The following WDR83 variants were observed in gnomAD, a reference collection of about 807,000 sequenced individuals.
The protein encoded by WDR83 is WD repeat domain-containing protein 83.
WDR83 carries 37 observed loss-of-function variants against 37.7 expected under a neutral mutation model. The observed-to-expected ratio is 0.98, with a 90% CI of 0.76 to 1.29. The LOEUF (loss-of-function observed/expected upper bound fraction) is 1.29, where lower values mean the gene tolerates loss of function less well. Among genes scored for constraint, WDR83 ranks in the 50% most tolerant of loss-of-function variants. The pLI, the probability that WDR83 is intolerant of heterozygous loss-of-function variation, is 0.00. For missense variants in WDR83, 445 were observed against 414.4 expected, an observed-to-expected ratio of 1.07 and a Z score of -0.64; for synonymous variants, 174 against 181.1, an observed-to-expected ratio of 0.96 and a Z score of 0.31.
chr19:12,670,658 C>A lies in WDR83; in HGVS notation c.380-37C>A, dbSNP rs759793741. 3.1e-6 allele frequency: 5 copies of A among 1,614,240 alleles called. No homozygotes were observed. In the Admixed American group the frequency reaches 5.0e-5, roughly 16 times the overall value. On this transcript the variant is annotated intron_variant, in intron 6 of 10. Transcript: ENST00000418543. ...GGGGGCCCAGGGTGCTGCCCTCCCC[C>A]TCCAAACCTGACCTCACCATCATGC...
chr19:12,670,955 AG>A (rs1354489902), intron 7 of WDR83, 134 bp downstream of exon 7: 1 of 1,374,232 alleles, frequency 7.3e-7, no homozygotes, highest in African/African-American at 1.4e-5. Flanking sequence ...GGGAGGCTGA[AG>A]TGGAAGGATC....
At chr19:12,667,832 G>T (rs1374001551) in intron 1 of WDR83, among the ~76,000 whole-genome samples, 1 of 148,540 alleles carries the variant, frequency 6.7e-6, no homozygotes, top group East Asian at 2.0e-4. Flanking sequence ...TTCTTAAAAA[G>T]GAAAAAAAAA....
intron 2 of WDR83, 137 bp from the exon 3 acceptor site, chr19:12,669,618 G>C (rs1306803706): frequency 4.4e-6 from 4 of 911,260 alleles, no homozygotes; most frequent in East Asian, 2.7e-5. Flanking sequence ...CTGAAAGCGG[G>C]CTTCAATAGT....
chr19:12,669,396 G>T, intron 2 of WDR83: 1 of 1,598,600 alleles, frequency 6.3e-7, no homozygotes. Flanking sequence ...CATATTGTTA[G>T]TGGACATAGC....
In WDR83 at chr19:12,670,242, TG is replaced by T; in HGVS notation, c.289del (p.Ala97HisfsTer16). The T allele has an allele frequency of 6.2e-7, 1 of 1,614,128 alleles. No homozygotes were observed. Among genetic ancestry groups the T allele is most frequent in the Non-Finnish European group, 8.5e-7 (1 of 1,180,018 alleles). On this transcript the variant is annotated frameshift_variant, in exon 5 of 11. Transcript: ENST00000418543. LOFTEE classifies it high-confidence loss of function. ...GACAAGGCGGTGGTTCTGTGGGATG[TG>T]GCATCAGGGCAGGTCGTGCGCAAAT... ...GGDKAVVLWD[V>X]ASGQVVRKFR...
chr19:12,675,322 G>A (rs1025765050), intron 10 of WDR83, among the ~76,000 whole-genome samples: 1 of 152,142 alleles, frequency 6.6e-6, no homozygotes, highest in Non-Finnish European at 1.5e-5. Context: ...TGAACACCTG[G>A]TAGGACAGAG....
Position 12,675,742 on chromosome 19 carries a change from T to C in WDR83, c.*70T>C. ...TGGAAGGACTTCAGATACCATCTTATTCTAGAGACGTAGCTGACCAAAAAG... is the reference window on the plus strand; with the variant it reads ...TGGAAGGACTTCAGATACCATCTTACTCTAGAGACGTAGCTGACCAAAAAG... On this transcript the variant is annotated 3_prime_UTR_variant, in exon 11 of 11. Coordinates refer to ENST00000418543, the MANE Select transcript of WDR83 (RefSeq NM_001099737.3). 6.3e-7 allele frequency: 1 copy of C among 1,578,248 alleles called. No individual in the cohort carries two copies. The highest frequency in any genetic ancestry group is 1.1e-5 in the South Asian group (1 of 88,406).
chr19:12,669,095 C>T (rs374487757), intron 2 of WDR83: 4 of 1,605,432 alleles, frequency 2.5e-6, no homozygotes, highest in African/African-American at 1.3e-5. Flanking sequence ...TTCTCAGGTC[C>T]AACTACACCC....
intron 10 of WDR83, among the ~76,000 whole-genome samples, chr19:12,674,983 G>T (rs1001400495): frequency 6.6e-6 from 1 of 151,974 alleles, no homozygotes; most frequent in South Asian, 2.1e-4. Context: ...GCATGGTAGC[G>T]CGTGCCTGTA....
rs555727828 is a variant in WDR83 at position 12,674,705 on chromosome 19, G to A, written c.799-818G>A. ...GAGCCCAGCTGGTGGCAGGGAACAG[G>A]CAAGCTGTGAGCAAGGCATGCTCCA... On this transcript the variant is annotated intron_variant, in intron 10 of 10. Transcript: ENST00000418543. 1.3e-4 allele frequency among the ~76,000 whole-genome samples: 20 copies of A among 152,160 alleles called. 1 individual carries two copies. The highest frequency in any genetic ancestry group is 2.9e-5 in the Non-Finnish European group (2 of 68,028).
intron 2 of WDR83, chr19:12,669,485 T>C (rs1172545466): frequency 6.6e-7 from 1 of 1,506,768 alleles, no homozygotes; most frequent in Non-Finnish European, 9.0e-7. Flanking sequence ...GATTTTAGAG[T>C]AACACCCGAG....
At chr19:12,671,009 G>A in intron 7 of WDR83, 188 bp downstream of exon 7, 1 of 809,208 alleles carries the variant, frequency 1.2e-6, no homozygotes, top group Non-Finnish European at 1.9e-6. Context: ...CTCCATGCTG[G>A]GTGAAAGACA....
chr19:12,674,414 G>C (rs1270107015), intron 10 of WDR83, among the ~76,000 whole-genome samples: 1 of 152,166 alleles, frequency 6.6e-6, no homozygotes, highest in Non-Finnish European at 1.5e-5. Flanking sequence ...GCTTGGCCAG[G>C]GGAACTAAGG....
Position 12,670,587 on chromosome 19 carries a change from G to A in WDR83, c.355G>A (p.Glu119Lys), listed in dbSNP as rs1398386908. ...AGKVNTVQFN[E>K]EATVILSGSI... ...GAAGGTGAACACGGTGCAGTTTAAT[G>A]AAGAGGCCACAGTTATCCTGTCCGG... The change falls in exon 6 of 11, where the codon GAA becomes AAA. Residue 119 changes from glutamate to lysine, a missense_variant. Transcript: ENST00000418543. 6.2e-7 allele frequency: 1 copy of A among 1,614,206 alleles called. No individual in the cohort carries two copies. The highest frequency in any genetic ancestry group is 8.5e-7 in the Non-Finnish European group (1 of 1,180,036).
Position 12,673,109 on chromosome 19 carries a change from C to A in WDR83, c.676C>A (p.Leu226Met). Reference sequence around the variant, plus strand: ...CCTGGACAAAGACACAGGGGAGCTGCTGGGCGAGTGAGTCCTTGTGGTCGT... The same window carrying A: ...CCTGGACAAAGACACAGGGGAGCTGATGGGCGAGTGAGTCCTTGTGGTCGT... Reference protein sequence around the residue: ...RLLDKDTGELLGEYKGHKNQE... With the variant: ...RLLDKDTGELMGEYKGHKNQE... The change falls in exon 9 of 11, where the codon CTG becomes ATG. Residue 226 changes from leucine to methionine, a missense_variant. By Grantham distance (15) the Leu-to-Met change is conservative. Coordinates refer to ENST00000418543, the MANE Select transcript of WDR83 (RefSeq NM_001099737.3). 1 of 1,612,646 alleles carries A rather than the reference C, an allele frequency of 6.2e-7. No homozygotes were observed. Among genetic ancestry groups the A allele is most frequent in the Non-Finnish European group, 8.5e-7 (1 of 1,178,988 alleles).
chr19:12,669,801 C>T lies in WDR83; in HGVS notation c.11C>T (p.Pro4Leu). The T allele has an allele frequency of 6.2e-7, 1 of 1,607,432 alleles. No homozygotes were observed. Among genetic ancestry groups the T allele is most frequent in the Non-Finnish European group, 8.5e-7 (1 of 1,176,796 alleles). The change falls in exon 3 of 11, where the codon CCT becomes CTT. Residue 4 changes from proline (P) to leucine (L), a missense_variant. Pro to Leu is a moderately conservative substitution (Grantham distance 98). Transcript: ENST00000418543. MAFPEPKPRPPELP... is the reference protein window; with the variant it reads MAFLEPKPRPPELP... The stretch of plus-strand genomic sequence containing the variant: ...AGGAGTCCTGGGAGCATGGCTTTCC[C>T]TGAGCCAAAGCCGCGGCCTCCAGAG...
intron 3 of WDR83, 28 bp downstream of exon 3, chr19:12,669,921 C>G (rs377107363): frequency 2.5e-6 from 4 of 1,600,240 alleles, no homozygotes; most frequent in Admixed American, 1.7e-5. Context: ...CATTCCGGGT[C>G]CTCCTCCCGC....
In WDR83 at chr19:12,670,080, G is replaced by A. The variant is rs745820338; in HGVS notation, c.207G>A (p.Glu69=). 1 of 1,611,266 alleles carries A rather than the reference G, an allele frequency of 6.2e-7. No individual in the cohort carries two copies. Among genetic ancestry groups the A allele is most frequent in the Non-Finnish European group, 8.5e-7 (1 of 1,178,006 alleles). Reference sequence around the variant, plus strand: ...GGACGTACAGCGGCCACGGCTACGAGGTGCTGGATGCGGCCGGGTGAGCCG... The same window carrying A: ...GGACGTACAGCGGCCACGGCTACGAAGTGCTGGATGCGGCCGGGTGAGCCG... The part of the protein sequence containing the change: ...LLRTYSGHGY[E]VLDAAGSFDN... Residue 69 remains glutamate (E), a synonymous_variant, in exon 4 of 11, where the codon GAG becomes GAA. Coordinates refer to ENST00000418543, the MANE Select transcript of WDR83 (RefSeq NM_001099737.3).
At chr19:12,670,875 GC>G in intron 7 of WDR83, 54 bp downstream of exon 7, 3 of 1,578,630 alleles carry the variant, frequency 1.9e-6, no homozygotes, top group South Asian at 2.3e-5. Flanking sequence ...AATCATAGCT[GC>G]CCCCATGCTC....
Sources: allele counts gnomAD v4.1 joint callset (sites outside exome capture counted in the v4.1 genomes callset), GRCh38; gene constraint gnomAD v4.1.1; transcripts MANE v1.5; gene names NCBI Gene and HGNC (gene_info 2026-07-23, HGNC 2026-07-21).